Variants in TMOD1 observed in about 807,000 individuals in gnomAD.
TMOD1 encodes the protein tropomodulin 1, also known as tropomodulin-1.
TMOD1 carries 17 observed loss-of-function variants against 40.6 expected under a neutral mutation model. The observed-to-expected ratio is 0.42, with a 90% confidence interval of 0.29 to 0.63. The LOEUF (loss-of-function observed/expected upper bound fraction) is 0.63. TMOD1 is among the 20% of genes least tolerant of loss of function. The pLI, the probability that TMOD1 is intolerant of heterozygous loss-of-function variation, is 0.22. For synonymous variants in TMOD1, 181 were observed against 175.0 expected, an observed-to-expected ratio of 1.03 and a Z score of -0.27; for missense variants, 391 against 447.6, an observed-to-expected ratio of 0.87 and a Z score of 1.14.
chr9:97,553,437 A>G, intron 4 of TMOD1, 37 bp downstream of exon 4: 1 of 1,613,358 alleles, frequency 6.2e-7, no homozygotes, highest in Non-Finnish European at 8.5e-7. Flanking sequence ...CATCCTCCAG[A>G]AGGATTTGAC....
At chr9:97,539,327 G>A (rs955825519) in intron 2 of TMOD1, among the ~76,000 whole-genome samples, 1 of 152,226 alleles carries the variant, frequency 6.6e-6, no homozygotes, top group Non-Finnish European at 1.5e-5. Context: ...CTCACCTATT[G>A]AGTAGCCCGG....
rs1830625895 is a variant in TMOD1, at chr9:97,560,684, T to TAA, written c.398-2046_398-2045dup. Among the ~76,000 whole-genome samples the TAA allele has an allele frequency of 2.7e-5, 4 of 147,660 alleles. No individual in the cohort carries two copies. In the South Asian group the frequency reaches 6.3e-4, roughly 23 times the overall value. ...TTTTTGTATTGTATATATATATATA[T>TAA]AAAGTATTTATATATTGTATATATA... is the stretch of plus-strand genomic sequence containing the variant. On this transcript the variant is annotated intron_variant, in intron 4 of 9. Coordinates refer to ENST00000259365, the MANE Select transcript of TMOD1 (RefSeq NM_003275.4).
At chr9:97,578,502 C>T (rs769683349) in intron 8 of TMOD1, among the ~76,000 whole-genome samples, 7 of 152,174 alleles carry the variant, frequency 4.6e-5, no homozygotes, top group Non-Finnish European at 8.8e-5. Flanking sequence ...GTCGCACATG[C>T]CCAGACACAT....
intron 9 of TMOD1, among the ~76,000 whole-genome samples, chr9:97,595,163 G>T (rs1346052601): frequency 1.3e-5 from 2 of 152,200 alleles, no homozygotes; most frequent in African/African-American, 2.4e-5. Flanking sequence ...TATGATTTAT[G>T]AATACAATGT....
intron 1 of TMOD1, chr9:97,516,797 A>C (rs1829817715): frequency 6.6e-6 from 1 of 151,968 alleles, no homozygotes; most frequent in Non-Finnish European, 1.5e-5. Flanking sequence ...ATAGACAGAA[A>C]GGAGAATGTG....
chr9:97,568,544 G>T (rs184258929), intron 7 of TMOD1, among the ~76,000 whole-genome samples: 1 of 152,308 alleles, frequency 6.6e-6, no homozygotes, highest in East Asian at 1.9e-4. Context: ...GGGAATTCCA[G>T]GTGGGAGGGA....
At chr9:97,523,176 G>T (rs1024541971) in intron 1 of TMOD1, among the ~76,000 whole-genome samples, 2 of 152,224 alleles carry the variant, frequency 1.3e-5, no homozygotes, top group Admixed American at 1.3e-4. Flanking sequence ...TGAGTTAACA[G>T]GTCTGAAAAT....
intron 9 of TMOD1, among the ~76,000 whole-genome samples, chr9:97,598,496 G>A (rs941740161): frequency 2.6e-5 from 4 of 152,204 alleles, no homozygotes; most frequent in African/African-American, 9.7e-5. Context: ...GGATGGCCCT[G>A]GTGGGCATGC....
chr9:97,531,045 C>A (rs982518014), intron 2 of TMOD1, among the ~76,000 whole-genome samples: 3 of 139,716 alleles, frequency 2.1e-5, no homozygotes, highest in South Asian at 2.5e-4. Flanking sequence ...CCACCCCCCC[C>A]ACCACCCCTT....
chr9:97,529,858 C>G (rs145509602), intron 2 of TMOD1, among the ~76,000 whole-genome samples: 1 of 152,200 alleles, frequency 6.6e-6, no homozygotes, highest in Non-Finnish European at 1.5e-5. Flanking sequence ...GAGTAATAGA[C>G]GCTCAATACT....
intron 4 of TMOD1, chr9:97,555,757 C>A (rs1201400774): frequency 2.9e-6 from 4 of 1,382,242 alleles, no homozygotes; most frequent in Non-Finnish European, 4.0e-6. Flanking sequence ...CCAAAACAAT[C>A]CTATGAAGGA....
intron 8 of TMOD1, among the ~76,000 whole-genome samples, chr9:97,569,619 C>G (rs548028558): frequency 6.6e-6 from 1 of 152,356 alleles, no homozygotes; most frequent in Admixed American, 6.5e-5. Flanking sequence ...TCTTTCAGCT[C>G]TGACTTTCTA....
intron 1 of TMOD1, among the ~76,000 whole-genome samples, chr9:97,519,444 T>C (rs1355231618): frequency 6.6e-6 from 1 of 152,198 alleles, no homozygotes; most frequent in Non-Finnish European, 1.5e-5. Context: ...GTTTTAAATA[T>C]ATTTACCTGT....
At chr9:97,566,011 T>A in intron 7 of TMOD1, 56 bp downstream of exon 7, 1 of 1,471,334 alleles carries the variant, frequency 6.8e-7, no homozygotes, top group Non-Finnish European at 9.5e-7. Flanking sequence ...ACAGAAGGGT[T>A]GAAATATGTG....
chr9:97,569,897 A>G (rs1469236131), intron 8 of TMOD1, among the ~76,000 whole-genome samples: 1 of 151,932 alleles, frequency 6.6e-6, no homozygotes, highest in African/African-American at 2.4e-5. Flanking sequence ...CCACTGCAGC[A>G]TGTTGCTTTT....
chr9:97,549,007 G>A (rs923967159), intron 3 of TMOD1, among the ~76,000 whole-genome samples: 1 of 152,072 alleles, frequency 6.6e-6, no homozygotes, highest in Admixed American at 6.6e-5. Flanking sequence ...ACCCCACACC[G>A]CAAGACCTGA....
chr9:97,507,942 G>A (rs1564225879), intron 1 of TMOD1, among the ~76,000 whole-genome samples: 1 of 152,094 alleles, frequency 6.6e-6, no homozygotes, highest in Non-Finnish European at 1.5e-5. Context: ...GGATCAGTCT[G>A]CACAAGGCCA....
At position 97,562,717 on chromosome 9, in the gene TMOD1, C is replaced by T; in HGVS notation, c.398-15C>T. The T allele has an allele frequency of 6.6e-7, 1 of 1,526,700 alleles. No homozygotes were observed. The highest frequency in any genetic ancestry group is 8.8e-7 in the Non-Finnish European group (1 of 1,142,728). The allele number at this position is 1,526,700 out of a possible 1,614,324, so 94.6% of individuals were successfully genotyped here. ...CTGCAGAGGCACATCATGAGCCCTT[C>T]CCTTGTCCCTGCAGCGATCCTGGGC... On this transcript the variant is annotated splice_polypyrimidine_tract_variant and intron_variant, in intron 4 of 9. Coordinates refer to ENST00000259365, the MANE Select transcript of TMOD1 (RefSeq NM_003275.4).
intron 8 of TMOD1, among the ~76,000 whole-genome samples, chr9:97,586,659 T>C (rs934236125): frequency 1.3e-5 from 2 of 152,198 alleles, no homozygotes; most frequent in African/African-American, 4.8e-5. Context: ...TCAGCGAGAC[T>C]CTGTGGGCGT....
Sources: allele counts gnomAD v4.1 joint callset (sites outside exome capture counted in the v4.1 genomes callset), GRCh38; gene constraint gnomAD v4.1.1; transcripts MANE v1.5; gene names NCBI Gene and HGNC (gene_info 2026-07-23, HGNC 2026-07-21).